Variants in DNAI1 observed in about 807,000 individuals in gnomAD.
DNAI1 encodes dynein, axonemal, intermediate polypeptide 1.
In DNAI1, 67 loss-of-function variants were observed where a neutral mutation model predicts 92.0. The observed-to-expected ratio is 0.73, with a 90% CI of 0.60 to 0.89. The LOEUF (loss-of-function observed/expected upper bound fraction) is 0.89. Among genes scored for constraint, DNAI1 ranks in the 40% least tolerant of loss-of-function variants. The probability of loss-of-function intolerance (pLI) is 0.00; values close to 1 mark genes in which losing one functional copy is unlikely to be tolerated. For missense variants in DNAI1, 839 were observed against 866.6 expected (o/e 0.97, Z 0.40); for synonymous variants, 323 against 319.6 (o/e 1.01, Z -0.11).
intron 1 of DNAI1, among the ~76,000 whole-genome samples, chr9:34,462,162 C>T (rs10120056): frequency 0.025 from 3,857 of 152,292 alleles, 177 homozygotes; most frequent in African/African-American, 0.088. Context: ...TGCCACCCTG[C>T]ATGGTCTTGC....
intron 12 of DNAI1, among the ~76,000 whole-genome samples, chr9:34,502,777 G>A (rs1001004705): frequency 6.6e-6 from 1 of 151,978 alleles, no homozygotes; most frequent in Non-Finnish European, 1.5e-5. Context: ...GGTACCCGTC[G>A]TCAGCTACAG....
At chr9:34,492,104 CT>C (rs2132063852) in intron 8 of DNAI1, among the ~76,000 whole-genome samples, 2 of 152,286 alleles carry the variant, frequency 1.3e-5, no homozygotes, top group South Asian at 4.1e-4. Flanking sequence ...GCCTCAGTTT[CT>C]TTCTCTCTAA....
chr9:34,506,826 C>T lies in DNAI1; in HGVS notation c.1263C>T (p.Ser421=), dbSNP rs755069411. ...YNLKKPHSQP[S]FCSSAKSGKH... ...TCAAGAAGCCCCACTCCCAGCCCTC[C>T]TTCTGCAGCTCAGCCAAGTCTGGCA... is the stretch of plus-strand genomic sequence containing the variant. Residue 421 remains serine, a synonymous_variant, in exon 13 of 20, where the codon TCC becomes TCT. Coordinates refer to ENST00000242317, the MANE Select transcript of DNAI1 (RefSeq NM_012144.4). The T allele has an allele frequency of 1.2e-6, 2 of 1,612,758 alleles. No individual in the cohort carries two copies. Among genetic ancestry groups the T allele is most frequent in the East Asian group, 4.5e-5 (2 of 44,884 alleles).
chr9:34,466,722 A>G (rs1291837869), intron 1 of DNAI1, among the ~76,000 whole-genome samples: 3 of 152,266 alleles, frequency 2.0e-5, no homozygotes, highest in Admixed American at 2.0e-4. Flanking sequence ...TGAAACAGGT[A>G]TAGGGACCAA....
intron 19 of DNAI1, 82 bp from the exon 20 acceptor site, chr9:34,520,576 G>A: frequency 7.7e-7 from 1 of 1,292,912 alleles, no homozygotes; most frequent in Non-Finnish European, 1.1e-6. Flanking sequence ...CAGCTGGACA[G>A]GCTGGGCAGA....
chr9:34,511,945 T>C (rs1480653281), intron 13 of DNAI1, among the ~76,000 whole-genome samples, 164 bp from the exon 14 acceptor site: 1 of 151,898 alleles, frequency 6.6e-6, no homozygotes, highest in Non-Finnish European at 1.5e-5. Context: ...GAGACAGAGA[T>C]GGATGGAAGG....
chr9:34,476,741 T>C (rs1824245032), intron 1 of DNAI1, among the ~76,000 whole-genome samples: 1 of 152,188 alleles, frequency 6.6e-6, no homozygotes, highest in Non-Finnish European at 1.5e-5. Flanking sequence ...GAAGAAATCC[T>C]GTGAACCTAA....
In DNAI1 at chr9:34,520,638, T is replaced by C; in HGVS notation, c.2002-20T>C. On this transcript the variant is annotated intron_variant, in intron 19 of 19. Coordinates refer to ENST00000242317, the MANE Select transcript of DNAI1 (RefSeq NM_012144.4). ...GGGGGCCCACCATTCCTCCCTCATG[T>C]ATACTTTCCCTCTCCCCAGGAAAAG... 1.9e-6 allele frequency: 3 copies of C among 1,550,350 alleles called. No homozygotes were observed. Among genetic ancestry groups the C allele is most frequent in the Non-Finnish European group, 1.7e-6 (2 of 1,146,088 alleles).
intron 1 of DNAI1, among the ~76,000 whole-genome samples, chr9:34,466,372 A>G (rs2132040631): frequency 6.6e-6 from 1 of 152,322 alleles, no homozygotes; most frequent in Non-Finnish European, 1.5e-5. Context: ...TTCAGCCTCA[A>G]ATCTTATTTG....
intron 4 of DNAI1, among the ~76,000 whole-genome samples, chr9:34,488,976 G>T (rs2132060715): frequency 6.6e-6 from 1 of 152,292 alleles, no homozygotes; most frequent in South Asian, 2.1e-4. Context: ...TCTGCCCAGG[G>T]TATGTGGTAT....
intron 1 of DNAI1, chr9:34,478,487 C>T (rs4879797): frequency 0.77 from 116,564 of 152,164 alleles, 44,762 homozygotes; most frequent in South Asian, 0.87. Context: ...TGAGTTGTGA[C>T]TGGTGACTTT....
At chr9:34,476,148 G>A (rs768012071) in intron 1 of DNAI1, among the ~76,000 whole-genome samples, 5 of 152,254 alleles carry the variant, frequency 3.3e-5, no homozygotes, top group Admixed American at 6.5e-5. Context: ...AATAATGACC[G>A]TACAATGCCC....
At chr9:34,464,063 T>C (rs1823994892) in intron 1 of DNAI1, among the ~76,000 whole-genome samples, 1 of 152,186 alleles carries the variant, frequency 6.6e-6, no homozygotes, top group South Asian at 2.1e-4. Context: ...CTCCCTTACC[T>C]CTTAAATATC....
chr9:34,481,994 C>G (rs1824369777), intron 1 of DNAI1, among the ~76,000 whole-genome samples: 1 of 152,208 alleles, frequency 6.6e-6, no homozygotes, highest in African/African-American at 2.4e-5. Flanking sequence ...AGCCGAGTGG[C>G]CTGTTTTGTC....
chr9:34,502,215 C>T (rs1272337262), intron 12 of DNAI1, among the ~76,000 whole-genome samples: 9 of 152,236 alleles, frequency 5.9e-5, no homozygotes. Flanking sequence ...CTTGGAGCTA[C>T]TCCCAGTCTT....
Position 34,520,972 on chromosome 9 carries a change from G to T in DNAI1, c.*216G>T. The T allele has an allele frequency of 3.3e-6, 2 of 614,144 alleles. No homozygotes were observed. The highest frequency in any genetic ancestry group is 3.8e-5 in the South Asian group (2 of 52,730). 38.0% of individuals were successfully genotyped at this position (614,144 alleles called of 1,614,324 possible). ...CCTCTAACTTTGCACAAATAAACCT[G>T]TGTAGAAACCCACCCCACACCTTTA... On this transcript the variant is annotated 3_prime_UTR_variant, in exon 20 of 20. Transcript: ENST00000242317.
intron 10 of DNAI1, among the ~76,000 whole-genome samples, chr9:34,497,640 C>T (rs1211521364): frequency 6.6e-6 from 1 of 152,184 alleles, no homozygotes; most frequent in Non-Finnish European, 1.5e-5. Context: ...CTATAAATGC[C>T]AGAATGTATG....
chr9:34,501,009 T>A, intron 11 of DNAI1, 129 bp from the exon 12 acceptor site: 1 of 986,700 alleles, frequency 1.0e-6, no homozygotes. Flanking sequence ...GACTCCCAAG[T>A]GGTGAGGGCC....
Position 34,493,232 on chromosome 9 carries a change from G to A in DNAI1, c.720G>A (p.Lys240=), listed in dbSNP as rs999905460. 1 of 1,614,044 alleles carries A rather than the reference G, an allele frequency of 6.2e-7. No individual in the cohort carries two copies. ...ATGCCTATGTAGAGGAACTTGAGAAGCAGGAAAAGACCAAAGAGAAGGAGA... is the reference window on the plus strand; with the variant it reads ...ATGCCTATGTAGAGGAACTTGAGAAACAGGAAAAGACCAAAGAGAAGGAGA... The part of the protein sequence containing the change: ...IYDAYVEELE[K]QEKTKEKEKA... Residue 240 remains lysine, a synonymous_variant, in exon 9 of 20, where the codon AAG becomes AAA. Transcript: ENST00000242317.
Sources: allele counts gnomAD v4.1 joint callset (sites outside exome capture counted in the v4.1 genomes callset), GRCh38; gene constraint gnomAD v4.1.1; transcripts MANE v1.5; gene names NCBI Gene and HGNC (gene_info 2026-07-23, HGNC 2026-07-21).